Variants in GABRG3 observed in about 807,000 individuals in gnomAD.
GABRG3 encodes gamma-aminobutyric acid type A receptor subunit gamma3, also known as gamma-aminobutyric acid receptor subunit gamma-3.
GABRG3 carries 25 observed loss-of-function variants against 48.8 expected under a neutral mutation model. The observed-to-expected ratio is 0.51, with a 90% confidence interval of 0.37 to 0.72. GABRG3 has a LOEUF of 0.72. Ranked by LOEUF, GABRG3 falls within the 30% of genes least tolerant of loss-of-function variation. GABRG3 has a pLI of 0.00. For synonymous variants in GABRG3, 227 were observed against 217.6 expected, an observed-to-expected ratio of 1.04 and a Z score of -0.38; for missense variants, 394 against 577.9, an observed-to-expected ratio of 0.68 and a Z score of 3.26.
chr15:27,404,836 C>T (rs1023375474), intron 5 of GABRG3, among the ~76,000 whole-genome samples: 2 of 152,192 alleles, frequency 1.3e-5, no homozygotes, highest in Non-Finnish European at 1.5e-5. Flanking sequence ...TCCTTGTGCT[C>T]TTGGTCTGTC....
chr15:27,103,970 T>C (rs1595527266), intron 3 of GABRG3, among the ~76,000 whole-genome samples: 1 of 152,336 alleles, frequency 6.6e-6, no homozygotes, highest in East Asian at 1.9e-4. Context: ...AGTGGGAAGA[T>C]AAATAAGCAC....
At chr15:27,390,316 G>C (rs1003173293) in intron 5 of GABRG3, among the ~76,000 whole-genome samples, 5 of 152,186 alleles carry the variant, frequency 3.3e-5, no homozygotes, top group African/African-American at 1.2e-4. Context: ...GTGGTAAACT[G>C]TGAACAGCTT....
chr15:26,985,402 A>G (rs899313368), intron 2 of GABRG3, among the ~76,000 whole-genome samples: 2 of 152,208 alleles, frequency 1.3e-5, no homozygotes, highest in Non-Finnish European at 2.9e-5. Flanking sequence ...GTGTCCCCCA[A>G]ATAGGTCAGG....
At chr15:26,994,171 C>T (rs923375718) in intron 2 of GABRG3, among the ~76,000 whole-genome samples, 9 of 151,796 alleles carry the variant, frequency 5.9e-5, no homozygotes, top group Non-Finnish European at 1.3e-4. Flanking sequence ...CCCTCCATGT[C>T]TTTTGATTGG....
At chr15:27,137,949 T>C (rs1898038517) in intron 3 of GABRG3, among the ~76,000 whole-genome samples, 1 of 152,230 alleles carries the variant, frequency 6.6e-6, no homozygotes, top group South Asian at 2.1e-4. Context: ...TTGACACCCA[T>C]GCACCCATCA....
chr15:27,102,286 G>C (rs1175107005), intron 3 of GABRG3, among the ~76,000 whole-genome samples: 1 of 152,068 alleles, frequency 6.6e-6, no homozygotes, highest in African/African-American at 2.4e-5. Context: ...AAATGAGTTT[G>C]GTTTTTGTTA....
intron 3 of GABRG3, among the ~76,000 whole-genome samples, chr15:27,309,028 CATA>C (rs763942222): frequency 1.1e-4 from 16 of 149,008 alleles, no homozygotes; most frequent in Admixed American, 2.7e-4. Context: ...TATATAGAAA[CATA>C]ATGTAAACAT....
chr15:27,181,050 C>G (rs1887914181), intron 3 of GABRG3, among the ~76,000 whole-genome samples: 1 of 152,184 alleles, frequency 6.6e-6, no homozygotes, highest in African/African-American at 2.4e-5. Context: ...GGTTGAAGGG[C>G]TGACCTTGAA....
intron 3 of GABRG3, among the ~76,000 whole-genome samples, chr15:27,136,287 T>G (rs986211573): frequency 1.2e-4 from 19 of 152,228 alleles, no homozygotes; most frequent in African/African-American, 4.6e-4. Context: ...GAGTGAAAAT[T>G]TGGAACTGAG....
At chr15:27,301,790 A>T (rs1257256191) in intron 3 of GABRG3, among the ~76,000 whole-genome samples, 2 of 152,098 alleles carry the variant, frequency 1.3e-5, no homozygotes, top group East Asian at 3.9e-4. Flanking sequence ...TCCATATTAC[A>T]TTTTTTACAA....
At chr15:27,410,050 T>A (rs1032472381) in intron 5 of GABRG3, among the ~76,000 whole-genome samples, 1 of 152,192 alleles carries the variant, frequency 6.6e-6, no homozygotes, top group East Asian at 1.9e-4. Flanking sequence ...AGTGTGATGT[T>A]AGATGAAATA....
At chr15:27,167,535 G>A (rs1887419051) in intron 3 of GABRG3, among the ~76,000 whole-genome samples, 1 of 152,170 alleles carries the variant, frequency 6.6e-6, no homozygotes, top group Middle Eastern at 3.2e-3. Flanking sequence ...GTTAACAGAG[G>A]CTAAAACTAA....
At chr15:27,174,739 A>C (rs898676376) in intron 3 of GABRG3, among the ~76,000 whole-genome samples, 2 of 152,140 alleles carry the variant, frequency 1.3e-5, no homozygotes, top group African/African-American at 4.8e-5. Context: ...TGGCTAACGG[A>C]AGCCCCTGCA....
intron 3 of GABRG3, among the ~76,000 whole-genome samples, chr15:27,191,514 A>G (rs1888304450): frequency 6.6e-6 from 1 of 152,138 alleles, no homozygotes; most frequent in Admixed American, 6.5e-5. Context: ...TTGTTAGTTT[A>G]AAGTCTGTTT....
chr15:26,978,099 C>A (rs1156792643), intron 2 of GABRG3, among the ~76,000 whole-genome samples: 1 of 152,054 alleles, frequency 6.6e-6, no homozygotes, highest in Non-Finnish European at 1.5e-5. Flanking sequence ...CTGAACTCTT[C>A]TTTTATTTTA....
At chr15:27,063,928 G>A (rs1896694329) in intron 3 of GABRG3, among the ~76,000 whole-genome samples, 1 of 152,162 alleles carries the variant, frequency 6.6e-6, no homozygotes, top group Non-Finnish European at 1.5e-5. Flanking sequence ...TTCCTGACAT[G>A]GGTGTCATTT....
intron 2 of GABRG3, among the ~76,000 whole-genome samples, chr15:27,013,278 T>C (rs1483600229): frequency 1.3e-5 from 2 of 152,148 alleles, no homozygotes; most frequent in Non-Finnish European, 1.5e-5. Context: ...CAATATTGTA[T>C]GTATATGCCA....
chr15:27,357,348 G>C (rs904054220), intron 5 of GABRG3, among the ~76,000 whole-genome samples: 5 of 152,174 alleles, frequency 3.3e-5, no homozygotes, highest in Non-Finnish European at 7.3e-5. Context: ...AAGATGTAAA[G>C]CTACTGGTCT....
intron 3 of GABRG3, among the ~76,000 whole-genome samples, chr15:27,119,666 G>A (rs1355060945): frequency 1.3e-5 from 2 of 152,168 alleles, no homozygotes; most frequent in African/African-American, 2.4e-5. Flanking sequence ...GGATGAATGT[G>A]CTTCACTCAG....
Sources: allele counts gnomAD v4.1 joint callset (sites outside exome capture counted in the v4.1 genomes callset), GRCh38; gene constraint gnomAD v4.1.1; transcripts MANE v1.5; gene names NCBI Gene and HGNC (gene_info 2026-07-23, HGNC 2026-07-21).